CDKAL1: variants seen among roughly 807,000 people sequenced by gnomAD.
CDKAL1 encodes CDKAL1 threonylcarbamoyladenosine tRNA methylthiotransferase.
CDKAL1 carries 32 observed loss-of-function variants against 68.2 expected under a neutral mutation model. The ratio of observed to expected loss-of-function variants is 0.47; its 90% CI spans 0.35 to 0.63. The LOEUF (loss-of-function observed/expected upper bound fraction) is 0.63. CDKAL1 is among the 30% of genes least tolerant of loss of function. CDKAL1 has a pLI of 0.00. For missense variants in CDKAL1, 606 were observed against 696.7 expected (o/e 0.87, Z 1.47); for synonymous variants, 234 against 244.3 (o/e 0.96, Z 0.39).
intron 13 of CDKAL1, among the ~76,000 whole-genome samples, chr6:21,112,132 A>G (rs1160887509): frequency 6.6e-6 from 1 of 151,978 alleles, no homozygotes; most frequent in Non-Finnish European, 1.5e-5. Flanking sequence ...GAACACTTTT[A>G]TTAAAACCAT....
At chr6:20,551,858 A>C (rs879571414) in intron 4 of CDKAL1, among the ~76,000 whole-genome samples, 1 of 151,944 alleles carries the variant, frequency 6.6e-6, no homozygotes, top group Admixed American at 6.6e-5. Context: ...CTGATGGTGT[A>C]GTTTGAGTAT....
At chr6:20,714,317 C>T (rs1022198799) in intron 5 of CDKAL1, among the ~76,000 whole-genome samples, 10 of 146,640 alleles carry the variant, frequency 6.8e-5, no homozygotes, top group East Asian at 3.9e-4. Context: ...AAGTGTTTGT[C>T]GTAATCAATG....
intron 11 of CDKAL1, among the ~76,000 whole-genome samples, chr6:21,003,391 T>C (rs2038065): frequency 0.59 from 61,183 of 104,514 alleles, 18,610 homozygotes; most frequent in East Asian, 0.83. Flanking sequence ...CACACACACA[T>C]ATATACACAC....
chr6:21,063,741 G>A (rs1771267486), intron 11 of CDKAL1, among the ~76,000 whole-genome samples: 1 of 152,162 alleles, frequency 6.6e-6, no homozygotes, highest in Admixed American at 6.5e-5. Flanking sequence ...CAATAAAATA[G>A]TTGGAAGGTA....
chr6:21,046,715 T>C (rs548068585), intron 11 of CDKAL1, among the ~76,000 whole-genome samples: 133 of 152,360 alleles, frequency 8.7e-4, no homozygotes, highest in African/African-American at 3.1e-3. Context: ...ACACATTTCA[T>C]GTGAGTTTCA....
At chr6:20,567,044 A>C (rs773466163) in intron 4 of CDKAL1, among the ~76,000 whole-genome samples, 21 of 152,094 alleles carry the variant, frequency 1.4e-4, no homozygotes, top group African/African-American at 5.1e-4. Context: ...CTGAAAGTGT[A>C]ATGTTCTTTT....
At chr6:21,080,259 G>C (rs1030133194) in intron 12 of CDKAL1, among the ~76,000 whole-genome samples, 1 of 152,126 alleles carries the variant, frequency 6.6e-6, no homozygotes, top group African/African-American at 2.4e-5. Flanking sequence ...CCCTTGGGTT[G>C]TCTACCATCT....
intron 13 of CDKAL1, among the ~76,000 whole-genome samples, chr6:21,161,780 G>A (rs910271318): frequency 1.3e-5 from 2 of 152,022 alleles, no homozygotes; most frequent in African/African-American, 4.8e-5. Context: ...AACACATAAA[G>A]GAATTTATTA....
chr6:20,842,630 G>A (rs1297880771), intron 8 of CDKAL1, among the ~76,000 whole-genome samples: 6 of 152,142 alleles, frequency 3.9e-5, no homozygotes, highest in African/African-American at 1.2e-4. Context: ...CTGGGAGTTC[G>A]AGACCAGCCT....
chr6:20,586,321 C>G (rs1765353143), intron 4 of CDKAL1, among the ~76,000 whole-genome samples: 1 of 152,114 alleles, frequency 6.6e-6, no homozygotes, highest in Admixed American at 6.6e-5. Context: ...ACAATGCTGT[C>G]TAGTACAACT....
At chr6:20,719,646 G>C (rs180999107) in intron 5 of CDKAL1, among the ~76,000 whole-genome samples, 23 of 152,104 alleles carry the variant, frequency 1.5e-4, no homozygotes, top group Non-Finnish European at 2.6e-4. Flanking sequence ...AACCTCTATT[G>C]TAAAATACAA....
intron 8 of CDKAL1, among the ~76,000 whole-genome samples, chr6:20,791,128 A>G (rs1362134709): frequency 6.6e-6 from 1 of 152,152 alleles, no homozygotes; most frequent in Non-Finnish European, 1.5e-5. Context: ...CCCTCTGCCT[A>G]GGCATTTGTC....
chr6:20,769,981 C>T (rs1437542536), intron 7 of CDKAL1, among the ~76,000 whole-genome samples: 1 of 152,046 alleles, frequency 6.6e-6, no homozygotes, highest in Non-Finnish European at 1.5e-5. Flanking sequence ...TTTCTGATAC[C>T]TGTTGTTTAA....
At chr6:21,106,702 G>A (rs1773859562) in intron 12 of CDKAL1, among the ~76,000 whole-genome samples, 1 of 152,202 alleles carries the variant, frequency 6.6e-6, no homozygotes, top group South Asian at 2.1e-4. Context: ...AAGCATACGG[G>A]AGGATGTGTA....
chr6:20,704,794 A>G (rs1217167708), intron 5 of CDKAL1, among the ~76,000 whole-genome samples: 1 of 152,182 alleles, frequency 6.6e-6, no homozygotes, highest in Non-Finnish European at 1.5e-5. Context: ...TTACTCTTTC[A>G]AAATGGAATT....
intron 8 of CDKAL1, among the ~76,000 whole-genome samples, chr6:20,830,027 T>A (rs908672691): frequency 9.9e-5 from 15 of 152,196 alleles, no homozygotes; most frequent in African/African-American, 3.4e-4. Context: ...GGCTAACTTT[T>A]GTATTTTTAG....
intron 5 of CDKAL1, among the ~76,000 whole-genome samples, chr6:20,660,297 C>A (rs1769225991): frequency 2.0e-5 from 3 of 151,984 alleles, no homozygotes; most frequent in African/African-American, 2.4e-5. Context: ...CAGAAAAATT[C>A]TTTTTATGAA....
chr6:21,198,674 G>A (rs1778565788), intron 14 of CDKAL1, among the ~76,000 whole-genome samples: 3 of 152,230 alleles, frequency 2.0e-5, no homozygotes, highest in Admixed American at 6.5e-5. Context: ...GAACAACTGT[G>A]CAGACCAGTG....
At chr6:20,673,628 AC>A (rs1769953958) in intron 5 of CDKAL1, among the ~76,000 whole-genome samples, 1 of 152,134 alleles carries the variant, frequency 6.6e-6, no homozygotes. Flanking sequence ...TGTGGGAGGA[AC>A]CCAGTGGGAG....
Sources: allele counts gnomAD v4.1 joint callset (sites outside exome capture counted in the v4.1 genomes callset), GRCh38; gene constraint gnomAD v4.1.1; transcripts MANE v1.5; gene names NCBI Gene and HGNC (gene_info 2026-07-23, HGNC 2026-07-21).